Variants in ACOT7 observed in about 807,000 individuals in gnomAD.
ACOT7 encodes the protein cytosolic acyl coenzyme A thioester hydrolase.
In ACOT7, 12 loss-of-function variants were observed where a neutral mutation model predicts 40.2. That is an observed-to-expected ratio of 0.30 (90% CI 0.19 to 0.48). The LOEUF (loss-of-function observed/expected upper bound fraction) is 0.48. Among genes scored for constraint, ACOT7 ranks in the 20% least tolerant of loss-of-function variants. The pLI is 0.99. For missense variants in ACOT7, 395 were observed against 530.8 expected (o/e 0.74, Z 2.51); for synonymous variants, 228 against 219.5 (o/e 1.04, Z -0.34).
At chr1:6,326,574 C>G (rs1640804060) in intron 5 of ACOT7, among the ~76,000 whole-genome samples, 3 of 152,148 alleles carry the variant, frequency 2.0e-5, no homozygotes, top group Admixed American at 2.0e-4. Flanking sequence ...GAAGAAGTGG[C>G]GCTTGAACAG....
intron 1 of ACOT7, chr1:6,360,766 C>G (rs1015563781): frequency 6.5e-7 from 1 of 1,543,028 alleles, no homozygotes; most frequent in Non-Finnish European, 8.8e-7. Context: ...TCCCTCCAGG[C>G]GGGCATTGCT....
At chr1:6,264,733 C>T (rs1287227229) in intron 8 of ACOT7, 38 bp from the exon 9 acceptor site, 2 of 1,603,458 alleles carry the variant, frequency 1.2e-6, no homozygotes, top group Non-Finnish European at 1.7e-6. Flanking sequence ...GTTAGGGTCA[C>T]TGCAGAACCA....
At position 6,281,114 on chromosome 1, in the gene ACOT7, C is replaced by T; in HGVS notation, c.1002G>A (p.Val334=). ...SLSQEGRSLP[V]PQLVPETEDE... is the part of the protein sequence containing the mutation. Reference sequence around the variant, plus strand: ...GATGCGCACTCACCACCAGCTGGGGCACAGGCAGCGACCTGCCTTCCTGGC... The same window carrying T: ...GATGCGCACTCACCACCAGCTGGGGTACAGGCAGCGACCTGCCTTCCTGGC... Residue 334 remains valine, a synonymous_variant, in exon 8 of 9, where the codon GTG becomes GTA. Coordinates refer to ENST00000361521, the MANE Select transcript of ACOT7 (RefSeq NM_007274.4). The T allele has an allele frequency of 6.2e-7, 1 of 1,613,544 alleles. No individual in the cohort carries two copies. Among genetic ancestry groups the T allele is most frequent in the Non-Finnish European group, 8.5e-7 (1 of 1,180,008 alleles).
Position 6,366,788 on chromosome 1 carries a change from T to C in ACOT7, c.144-16922A>G, listed in dbSNP as rs531505458. Reference sequence around the variant, plus strand: ...CCCCTGGCTCAGCCTCCTGAGTAGCTGGGACTACAGGTGTGCACCACCACA... The same window carrying C: ...CCCCTGGCTCAGCCTCCTGAGTAGCCGGGACTACAGGTGTGCACCACCACA... On this transcript the variant is annotated intron_variant, in intron 1 of 8. Coordinates refer to ENST00000361521, the MANE Select transcript of ACOT7 (RefSeq NM_007274.4). Among the ~76,000 whole-genome samples the C allele has an allele frequency of 2.5e-3, 385 of 152,026 alleles. 2 individuals carry two copies. Among genetic ancestry groups the C allele is most frequent in the African/African-American group, 8.8e-3 (366 of 41,502 alleles).
At chr1:6,269,262 C>T (rs1278767955) in intron 8 of ACOT7, among the ~76,000 whole-genome samples, 6 of 152,184 alleles carry the variant, frequency 3.9e-5, no homozygotes, top group Non-Finnish European at 7.4e-5. Context: ...GGGTGGGACT[C>T]GTCCATGGGA....
chr1:6,341,038 AAAC>A (rs534100090), intron 2 of ACOT7, among the ~76,000 whole-genome samples: 15 of 151,896 alleles, frequency 9.9e-5, no homozygotes, highest in Non-Finnish European at 1.6e-4. Flanking sequence ...TCCATCTCAA[AAAC>A]AACAACAACA....
At chr1:6,334,055 G>A (rs1259239077) in intron 3 of ACOT7, among the ~76,000 whole-genome samples, 4 of 152,206 alleles carry the variant, frequency 2.6e-5, no homozygotes, top group Non-Finnish European at 5.9e-5. Context: ...TCTTCCTGGT[G>A]TTTTGACAGA....
intron 5 of ACOT7, among the ~76,000 whole-genome samples, chr1:6,321,537 C>G (rs542790710): frequency 2.0e-5 from 3 of 152,154 alleles, no homozygotes; most frequent in Non-Finnish European, 4.4e-5. Context: ...TTTTTTGAGA[C>G]GGAGTCTCGC....
At chr1:6,388,542 C>G (rs1642479307) in intron 1 of ACOT7, among the ~76,000 whole-genome samples, 1 of 149,332 alleles carries the variant, frequency 6.7e-6, no homozygotes, top group African/African-American at 2.5e-5. Context: ...AGTTCGAGAC[C>G]AGCCTGGCAA....
rs889286278 is a variant in ACOT7, at chr1:6,289,653, C to T, written c.829+5211G>A. Among the ~76,000 whole-genome samples, 6 of 151,950 alleles carry T rather than the reference C, an allele frequency of 3.9e-5. No individual in the cohort carries two copies. The highest frequency in any genetic ancestry group is 4.4e-5 in the Non-Finnish European group (3 of 67,988). On this transcript the variant is annotated intron_variant, in intron 7 of 8. Transcript: ENST00000361521. This position sits in a 1 kb window ranked among gnomAD's most constrained non-coding sequence, Gnocchi z 4.6. ...CCTCACAAAGTGTTGGAATTACAAGCGTGAGCCACTGTGACCAGCCTGCTT... is the reference window on the plus strand; with the variant it reads ...CCTCACAAAGTGTTGGAATTACAAGTGTGAGCCACTGTGACCAGCCTGCTT...
chr1:6,299,716 A>AG lies in ACOT7; in HGVS notation c.713-4737dup, dbSNP rs1205315365. Among the ~76,000 whole-genome samples the AG allele has an allele frequency of 6.6e-6, 1 of 151,308 alleles. No individual in the cohort carries two copies. Reference sequence around the variant, plus strand: ...TAGGGCACGTGTGTGCGTGTGTTTAAGGGGCTTAGTAGCGGCAGAGCTGCA... The same window carrying AG: ...TAGGGCACGTGTGTGCGTGTGTTTAAGGGGGCTTAGTAGCGGCAGAGCTGCA... On this transcript the variant is annotated intron_variant, in intron 6 of 8. Transcript: ENST00000361521. The surrounding 1 kb of genome is among the most constrained non-coding windows in gnomAD (Gnocchi z 4.1).
At chr1:6,265,237 C>A (rs1638788182) in intron 8 of ACOT7, among the ~76,000 whole-genome samples, 1 of 137,528 alleles carries the variant, frequency 7.3e-6, no homozygotes, top group Non-Finnish European at 1.5e-5. Context: ...GCCAGCTGCA[C>A]ACGGTCACTG....
At chr1:6,287,640 G>A (rs1419161298) in intron 7 of ACOT7, among the ~76,000 whole-genome samples, 1 of 152,192 alleles carries the variant, frequency 6.6e-6, no homozygotes, top group Non-Finnish European at 1.5e-5. Context: ...GCGCTGGCAG[G>A]TACCCCAGCC....
In ACOT7 at chr1:6,359,131, A is replaced by G; in HGVS notation, c.144-9265T>C. Reference sequence around the variant, plus strand: ...CTTCTGGCTGCCATGCCAGGAGATCAGGAAGGCAGAGGGGCCGCTGCTGAG... The same window carrying G: ...CTTCTGGCTGCCATGCCAGGAGATCGGGAAGGCAGAGGGGCCGCTGCTGAG... On this transcript the variant is annotated intron_variant, in intron 1 of 8. Coordinates refer to ENST00000361521, the MANE Select transcript of ACOT7 (RefSeq NM_007274.4). The surrounding 1 kb of genome is among the most constrained non-coding windows in gnomAD (Gnocchi z 4.1). 3.1e-6 allele frequency: 1 copy of G among 320,900 alleles called. No individual in the cohort carries two copies. The highest frequency in any genetic ancestry group is 5.8e-6 in the Non-Finnish European group (1 of 171,858). 19.9% of individuals were successfully genotyped at this position (320,900 alleles called of 1,614,324 possible).
intron 5 of ACOT7, among the ~76,000 whole-genome samples, chr1:6,322,770 A>G (rs1295841988): frequency 6.6e-6 from 1 of 152,186 alleles, no homozygotes; most frequent in African/African-American, 2.4e-5. Flanking sequence ...CAGGGTCAGG[A>G]CCTCAACATA....
At chr1:6,375,217 C>T (rs536364489) in intron 1 of ACOT7, among the ~76,000 whole-genome samples, 7 of 148,328 alleles carry the variant, frequency 4.7e-5, no homozygotes, top group South Asian at 2.1e-4. Flanking sequence ...GAGCCAAGAT[C>T]GCGCCACTGC....
At chr1:6,295,058 C>T (rs193157697) in intron 6 of ACOT7, 78 bp from the exon 7 acceptor site, 177 of 1,163,098 alleles carry the variant, frequency 1.5e-4, no homozygotes, top group Middle Eastern at 1.4e-3. Context: ...CAAGTTACAA[C>T]TCGAGCCCTC....
chr1:6,389,041 A>G (rs1642489267), intron 1 of ACOT7, among the ~76,000 whole-genome samples: 1 of 151,036 alleles, frequency 6.6e-6, no homozygotes, highest in East Asian at 1.9e-4. Context: ...ACTCCGTCTC[A>G]AGAAAAAAAA....
rs1639160206 is a variant in ACOT7, at chr1:6,275,433, TAA to T, written c.1014+5667_1014+5668del. On this transcript the variant is annotated intron_variant, in intron 8 of 8. Coordinates refer to ENST00000361521, the MANE Select transcript of ACOT7 (RefSeq NM_007274.4). The surrounding 1 kb of genome is among the most constrained non-coding windows in gnomAD (Gnocchi z 5.6). The stretch of plus-strand genomic sequence containing the variant: ...CATGAGGCAGCTCTGAAAGGCAAGG[TAA>T]AGATGGCCACAGCTAGGCCAGGCGC... 6.6e-6 allele frequency among the ~76,000 whole-genome samples: 1 copy of T among 151,946 alleles called. No homozygotes were observed. The highest frequency in any genetic ancestry group is 1.5e-5 in the Non-Finnish European group (1 of 67,990).
Sources: gnomAD v4.1 joint callset for allele counts (sites outside exome capture counted in the v4.1 genomes callset) on GRCh38, gnomAD v4.1.1 for gene constraint, Gnocchi (gnomAD v3.1) non-coding constraint, MANE v1.5 for transcripts, NCBI Gene and HGNC (gene_info 2026-07-23, HGNC 2026-07-21) for gene names.